The following CPZ variants were observed in gnomAD, a reference collection of about 807,000 sequenced individuals.
CPZ encodes carboxypeptidase Z, also known as VEZT/CPZ fusion.
In CPZ, 103 loss-of-function variants were observed where a neutral mutation model predicts 61.8. That is an observed-to-expected ratio of 1.67 (90% confidence interval 1.42 to 1.96). The LOEUF (loss-of-function observed/expected upper bound fraction) is 1.96. Among genes scored for constraint, CPZ ranks in the 30% most tolerant of loss-of-function variants. CPZ has a pLI of 0.00. For synonymous variants in CPZ, 551 were observed against 373.7 expected, an observed-to-expected ratio of 1.47 and a Z score of -5.47; for missense variants, 1,461 against 914.9, an observed-to-expected ratio of 1.60 and a Z score of -7.70.
Position 8,618,523 on chromosome 4 carries a change from C to A in CPZ, c.1598C>A (p.Thr533Asn). The change falls in exon 10 of 11, where the codon ACC becomes AAC. Residue 533 changes from threonine (T) to asparagine (N), a missense_variant. Physicochemically the swap from Thr to Asn is moderately conservative, Grantham distance 65. Coordinates refer to ENST00000360986, the MANE Select transcript of CPZ (RefSeq NM_001014447.3). ...ISVKGIRHDI[T>N]TAPDGDYWRL... ...GTCAAAGGCATTCGCCACGACATCA[C>A]CACAGGTGAGCACGTCCCTGGCTGT... The A allele has an allele frequency of 6.2e-7, 1 of 1,613,616 alleles. No individual in the cohort carries two copies. The highest frequency in any genetic ancestry group is 8.5e-7 in the Non-Finnish European group (1 of 1,179,984).
chr4:8,618,653 C>T lies in CPZ; in HGVS notation c.1603+125C>T. The stretch of plus-strand genomic sequence containing the variant: ...TCAGCAGGATGGCTCCATTCCTCCC[C>T]AGGCTGGCTGGGTCGGGGAGGGTGG... On this transcript the variant is annotated intron_variant, in intron 10 of 10. Transcript: ENST00000360986. 1.0e-5 allele frequency: 9 copies of T among 899,494 alleles called. No homozygotes were observed. The South Asian group carries it at 1.4e-4, about 14-fold the overall frequency. 55.7% of individuals were successfully genotyped at this position (899,494 alleles called of 1,614,324 possible).
intron 3 of CPZ, 68 bp from the exon 4 acceptor site, chr4:8,603,908 G>A: frequency 7.2e-7 from 1 of 1,384,218 alleles, no homozygotes; most frequent in Non-Finnish European, 1.0e-6. Flanking sequence ...TGTGTGGTCA[G>A]CGTTCCCAGG....
chr4:8,601,240 T>G lies in CPZ; in HGVS notation c.239T>G (p.Ile80Ser). Residue 80 changes from isoleucine (I) to serine (S), a missense_variant, in exon 3 of 11, where the codon ATC becomes AGC. By Grantham distance (142) the Ile-to-Ser change is moderately radical. Transcript: ENST00000360986. Reference sequence around the variant, plus strand: ...GTGGTGGAGGCCAGCTCCGAGTACATCCTGCTGAGCGTTCTACACCAGCTC... The same window carrying G: ...GTGGTGGAGGCCAGCTCCGAGTACAGCCTGCTGAGCGTTCTACACCAGCTC... ...WEVVEASSEY[I>S]LLSVLHQLLE... is the part of the protein sequence containing the mutation. 6.2e-7 allele frequency: 1 copy of G among 1,613,310 alleles called. No homozygotes were observed. The highest frequency in any genetic ancestry group is 8.5e-7 in the Non-Finnish European group (1 of 1,179,880).
In CPZ at chr4:8,605,975, G is replaced by A. The variant is rs374024695; in HGVS notation, c.710-14G>A. 2 of 1,609,326 alleles carry A rather than the reference G, an allele frequency of 1.2e-6. No homozygotes were observed. The highest frequency in any genetic ancestry group is 1.7e-6 in the Non-Finnish European group (2 of 1,176,114). The stretch of plus-strand genomic sequence containing the variant: ...CTTTGAGATGATGCCCCAAGTCTCT[G>A]TATTTGCCCCCAGTGGAGCCCGAGG... On this transcript the variant is annotated splice_polypyrimidine_tract_variant and intron_variant, in intron 4 of 10. Transcript: ENST00000360986.
intron 9 of CPZ, among the ~76,000 whole-genome samples, chr4:8,617,085 G>A (rs1000081859): frequency 2.0e-5 from 3 of 152,254 alleles, no homozygotes; most frequent in Admixed American, 6.5e-5. Flanking sequence ...ACAGCTGGGC[G>A]TGAGCCTGGA....
intron 6 of CPZ, 82 bp downstream of exon 6, chr4:8,606,980 T>G: frequency 3.4e-6 from 5 of 1,450,042 alleles, no homozygotes; most frequent in Non-Finnish European, 3.7e-6. Flanking sequence ...GGAGTTGTCC[T>G]TCCCTGGGGA....
At position 8,614,510 on chromosome 4, in the gene CPZ, C is replaced by A; in HGVS notation, c.1503+12C>A. ...ATTTCGTGGAGACGGTGAGTTCTGA[C>A]GGTCTCAGGGCTCTGGTCCAGCTGT... On this transcript the variant is annotated intron_variant, in intron 9 of 10. Coordinates refer to ENST00000360986, the MANE Select transcript of CPZ (RefSeq NM_001014447.3). 6.2e-7 allele frequency: 1 copy of A among 1,611,548 alleles called. No homozygotes were observed.
chr4:8,592,839 GC>G lies in CPZ; in HGVS notation c.11del (p.Pro4ArgfsTer79). ...CCAAGGTCCGCCGCCCCACCATGCC[GC>G]CCCCGCTGCCGCTGCTGCTCCTTAC... The part of the protein sequence containing the change: MP[P>X]PLPLLLLTVL... On this transcript the variant is annotated frameshift_variant, in exon 1 of 11. Coordinates refer to ENST00000360986, the MANE Select transcript of CPZ (RefSeq NM_001014447.3). LOFTEE classifies it high-confidence loss of function. 4 of 1,473,510 alleles carry G rather than the reference GC, an allele frequency of 2.7e-6. No individual in the cohort carries two copies. In the Admixed American group the frequency reaches 7.2e-5, roughly 27 times the overall value. 91.3% of individuals were successfully genotyped at this position (1,473,510 alleles called of 1,614,324 possible).
Position 8,607,419 on chromosome 4 carries a change from C to T in CPZ, c.1221C>T (p.Asp407=), listed in dbSNP as rs771894300. 5 of 1,613,674 alleles carry T rather than the reference C, an allele frequency of 3.1e-6. No homozygotes were observed. The highest frequency in any genetic ancestry group is 2.2e-5 in the South Asian group (2 of 91,060). ...AGAAGATGTTTTCTCCCACGCCCGA[C>T]GAGAAGGTGAGAGGGCTGTCGGGTG... is the stretch of plus-strand genomic sequence containing the variant. ...QEEKMFSPTP[D]EKMFKLLSRA... is the part of the protein sequence containing the mutation. The change falls in exon 7 of 11, where the codon GAC becomes GAT. Residue 407 remains aspartate, a synonymous_variant. Transcript: ENST00000360986.
rs141203560 is a variant in CPZ at position 8,606,129 on chromosome 4, C to T, written c.850C>T (p.Arg284Cys). Residue 284 changes from arginine (R) to cysteine (C), a missense_variant, in exon 5 of 11, where the codon CGC becomes TGC. By Grantham distance (180) the Arg-to-Cys change is radical. Transcript: ENST00000360986. The part of the protein sequence containing the change: ...PRIQRLLNTT[R>C]IHLLPSMNPD... The stretch of plus-strand genomic sequence containing the variant: ...CATCCAGCGCCTGCTCAACACCACC[C>T]GCATCCACCTGCTGCCCTCCATGAA... 2,581 of 1,614,056 alleles carry T rather than the reference C, an allele frequency of 1.6e-3. 3 individuals carry two copies. Among genetic ancestry groups the T allele is most frequent in the Non-Finnish European group, 2.1e-3 (2,425 of 1,179,920 alleles).
chr4:8,607,382 A>C lies in CPZ; in HGVS notation c.1184A>C (p.His395Pro). 1 of 1,613,868 alleles carries C rather than the reference A, an allele frequency of 6.2e-7. No homozygotes were observed. The highest frequency in any genetic ancestry group is 8.5e-7 in the Non-Finnish European group (1 of 1,179,936). Residue 395 changes from histidine to proline, a missense_variant, in exon 7 of 11, where the codon CAC (histidine) becomes CCC (proline). By Grantham distance (77) the His-to-Pro change is moderately conservative. Transcript: ENST00000360986. ...VVSYPFDFSK[H>P]PQEEKMFSPT... Reference sequence around the variant, plus strand: ...TCCTACCCCTTCGACTTCTCCAAGCACCCCCAGGAGGAGAAGATGTTTTCT... The same window carrying C: ...TCCTACCCCTTCGACTTCTCCAAGCCCCCCCAGGAGGAGAAGATGTTTTCT...
In CPZ at chr4:8,592,829, C is replaced by T. The variant is rs1299570445; in HGVS notation, c.-5C>T. The T allele has an allele frequency of 2.7e-6, 4 of 1,465,648 alleles. No individual in the cohort carries two copies. Among genetic ancestry groups the T allele is most frequent in the African/African-American group, 1.5e-5 (1 of 68,268 alleles). The allele number at this position is 1,465,648 out of a possible 1,614,324, so 90.8% of individuals were successfully genotyped here. On this transcript the variant is annotated 5_prime_UTR_variant, in exon 1 of 11. Transcript: ENST00000360986. ...CGCTGGCCGTCCAAGGTCCGCCGCC[C>T]CACCATGCCGCCCCCGCTGCCGCTG...
At chr4:8,618,342 G>A (rs946633370) in intron 9 of CPZ, 87 bp from the exon 10 acceptor site, 7 of 1,299,868 alleles carry the variant, frequency 5.4e-6, no homozygotes, top group South Asian at 3.6e-5. Context: ...ACCAAGCTCT[G>A]AGGAGCATGT....
chr4:8,614,415 G>T lies in CPZ; in HGVS notation c.1420G>T (p.Gly474Cys), dbSNP rs759353787. ...TNCFEITVELGCVKFPPEEAL... is the reference protein window; with the variant it reads ...TNCFEITVELCCVKFPPEEAL... Reference sequence around the variant, plus strand: ...CTGCTTTGAGATCACGGTAGAGCTGGGCTGTGTGAAGTTCCCCCCCGAGGA... The same window carrying T: ...CTGCTTTGAGATCACGGTAGAGCTGTGCTGTGTGAAGTTCCCCCCCGAGGA... The change falls in exon 9 of 11, where the codon GGC becomes TGC. Residue 474 changes from glycine (G) to cysteine (C), a missense_variant. By Grantham distance (159) the Gly-to-Cys change is radical. Transcript: ENST00000360986. 6.2e-7 allele frequency: 1 copy of T among 1,614,034 alleles called. No homozygotes were observed. Among genetic ancestry groups the T allele is most frequent in the Non-Finnish European group, 8.5e-7 (1 of 1,179,960 alleles).
At chr4:8,594,980 G>GC (rs1301162501) in intron 1 of CPZ, among the ~76,000 whole-genome samples, 7 of 152,122 alleles carry the variant, frequency 4.6e-5, no homozygotes, top group African/African-American at 1.7e-4. Flanking sequence ...CACCGTGTTG[G>GC]CCAGGATGGT....
chr4:8,615,499 T>G (rs1215291616), intron 9 of CPZ, among the ~76,000 whole-genome samples: 1 of 152,208 alleles, frequency 6.6e-6, no homozygotes, highest in African/African-American at 2.4e-5. Flanking sequence ...GAAAGAGGGT[T>G]GAGCTGCAGC....
intron 4 of CPZ, among the ~76,000 whole-genome samples, chr4:8,604,633 C>T (rs921703297): frequency 1.4e-4 from 22 of 152,142 alleles, no homozygotes; most frequent in Non-Finnish European, 3.1e-4. Context: ...AGGCATGGGC[C>T]ACCACACCAG....
At chr4:8,605,903 G>C in intron 4 of CPZ, 86 bp from the exon 5 acceptor site, 1 of 1,353,034 alleles carries the variant, frequency 7.4e-7, no homozygotes, top group East Asian at 2.3e-5. Flanking sequence ...AGCCCATCTG[G>C]TCATTCTTGC....
In CPZ at chr4:8,619,294, C is replaced by A; in HGVS notation, c.1636C>A (p.Pro546Thr). 6.2e-6 allele frequency: 10 copies of A among 1,613,530 alleles called. No individual in the cohort carries two copies. The highest frequency in any genetic ancestry group is 7.6e-6 in the Non-Finnish European group (9 of 1,179,780). The stretch of plus-strand genomic sequence containing the variant: ...TGGTGACTACTGGAGACTGCTGCCC[C>A]CAGGTATCCACATTGTCATTGCCCA... The part of the protein sequence containing the change: ...PDGDYWRLLP[P>T]GIHIVIAQAP... The change falls in exon 11 of 11, where the codon CCA becomes ACA. Residue 546 changes from proline to threonine, a missense_variant. Pro to Thr is a conservative substitution (Grantham distance 38). Transcript: ENST00000360986.
Sources: gnomAD v4.1 joint callset for allele counts (sites outside exome capture counted in the v4.1 genomes callset) on GRCh38, gnomAD v4.1.1 for gene constraint, MANE v1.5 for transcripts, NCBI Gene and HGNC (gene_info 2026-07-23, HGNC 2026-07-21) for gene names.